The following TMEM132B variants were observed in gnomAD, a reference collection of about 807,000 sequenced individuals.
The protein encoded by TMEM132B is transmembrane protein 132B.
TMEM132B carries 18 observed loss-of-function variants against 90.8 expected under a neutral mutation model. The observed-to-expected ratio is 0.20, with a 90% CI of 0.14 to 0.29. The LOEUF (loss-of-function observed/expected upper bound fraction) is 0.29, where lower values mean the gene tolerates loss of function less well. TMEM132B is among the 10% of genes least tolerant of loss of function. The pLI is 1.00. For missense variants in TMEM132B, 1,096 were observed against 1,326.8 expected, an observed-to-expected ratio of 0.83 and a Z score of 2.70; for synonymous variants, 504 against 523.3, an observed-to-expected ratio of 0.96 and a Z score of 0.50.
chr12:125,494,877 T>C (rs1592954902), intron 3 of TMEM132B, among the ~76,000 whole-genome samples: 1 of 76,234 alleles, frequency 1.3e-5, no homozygotes, highest in African/African-American at 5.4e-5. Context: ...CTCCCCCTCC[T>C]CCCTGGAAAA....
intron 1 of TMEM132B, among the ~76,000 whole-genome samples, chr12:125,298,673 CAA>C (rs36048797): frequency 9.6e-5 from 10 of 104,708 alleles, no homozygotes; most frequent in Non-Finnish European, 7.4e-5. Context: ...GACTCTGTCT[CAA>C]AAAAAAAAAA....
chr12:125,369,757 G>A (rs896315343), intron 2 of TMEM132B, among the ~76,000 whole-genome samples: 2 of 152,204 alleles, frequency 1.3e-5, no homozygotes, highest in East Asian at 3.8e-4. Context: ...ACTTTAATAA[G>A]ATATTTAATG....
intron 3 of TMEM132B, among the ~76,000 whole-genome samples, chr12:125,511,313 G>T (rs1352329258): frequency 2.0e-5 from 3 of 152,072 alleles, no homozygotes; most frequent in Non-Finnish European, 4.4e-5. Context: ...TAGAAAATTG[G>T]GTTGCTTTCA....
Position 125,655,887 on chromosome 12 carries a change from C to A in TMEM132B, c.*1177C>A, listed in dbSNP as rs1287559438. On this transcript the variant is annotated 3_prime_UTR_variant, in exon 9 of 9. Coordinates refer to ENST00000682704, the MANE Select transcript of TMEM132B (RefSeq NM_001366854.1). ...CCAAAATAAATAAATAAATAAAACTCAATCATGACTTTGGCAGAGATAAAA... is the reference window on the plus strand; with the variant it reads ...CCAAAATAAATAAATAAATAAAACTAAATCATGACTTTGGCAGAGATAAAA... The A allele has an allele frequency of 6.6e-6, 1 of 151,682 alleles. No individual in the cohort carries two copies. Among genetic ancestry groups the A allele is most frequent in the Non-Finnish European group, 1.5e-5 (1 of 67,972 alleles). The allele number at this position is 151,682 out of a possible 1,614,324, so 9.4% of individuals were successfully genotyped here.
intron 4 of TMEM132B, among the ~76,000 whole-genome samples, chr12:125,526,352 C>A (rs1335123868): frequency 1.3e-5 from 2 of 152,232 alleles, no homozygotes; most frequent in African/African-American, 4.8e-5. Context: ...ACTGTGCCAT[C>A]CCTCATTTCT....
At chr12:125,215,762 G>C (rs950108011) in intron 1 of TMEM132B, among the ~76,000 whole-genome samples, 2 of 152,192 alleles carry the variant, frequency 1.3e-5, no homozygotes, top group Admixed American at 6.5e-5. Flanking sequence ...GGCTGGTCTT[G>C]AACTCCAGAC....
intron 3 of TMEM132B, among the ~76,000 whole-genome samples, chr12:125,426,227 T>C (rs939248169): frequency 1.3e-5 from 2 of 152,272 alleles, no homozygotes; most frequent in Non-Finnish European, 2.9e-5. Flanking sequence ...CATGTGCTTA[T>C]TGCCGTCTAT....
intron 1 of TMEM132B, among the ~76,000 whole-genome samples, chr12:125,231,079 T>G (rs1306871030): frequency 6.6e-6 from 1 of 152,154 alleles, no homozygotes; most frequent in African/African-American, 2.4e-5. Flanking sequence ...CCGTGCTCCC[T>G]CCGGAGGCTC....
intron 4 of TMEM132B, among the ~76,000 whole-genome samples, chr12:125,542,323 G>C (rs1232412463): frequency 3.3e-5 from 5 of 152,088 alleles, no homozygotes; most frequent in Non-Finnish European, 7.4e-5. Flanking sequence ...GTTTTTTCCT[G>C]AAGTTTTTAC....
intron 5 of TMEM132B, among the ~76,000 whole-genome samples, chr12:125,622,974 A>G (rs11058271): frequency 0.45 from 68,920 of 151,990 alleles, 16,791 homozygotes; most frequent in African/African-American, 0.62. Context: ...CAAAATGTTT[A>G]TCTTTTCTTT....
chr12:125,337,494 G>A (rs1877007541), intron 1 of TMEM132B, among the ~76,000 whole-genome samples: 1 of 152,172 alleles, frequency 6.6e-6, no homozygotes, highest in Admixed American at 6.5e-5. Flanking sequence ...GCTTTAATGT[G>A]ATATGTGACA....
In TMEM132B at chr12:125,209,818, A is replaced by G. The variant is rs922501926; in HGVS notation, c.67+22952A>G. 1.3e-5 allele frequency among the ~76,000 whole-genome samples: 2 copies of G among 152,204 alleles called. No homozygotes were observed. The highest frequency in any genetic ancestry group is 2.9e-5 in the Non-Finnish European group (2 of 68,044). On this transcript the variant is annotated intron_variant, in intron 1 of 8. Transcript: ENST00000682704. The surrounding 1 kb of genome is among the most constrained non-coding windows in gnomAD (Gnocchi z 4.4). ...CCGGTATAGTCTCTCCTTGTGGAAC[A>G]TGAAATTGTTCCCCAATCCTGATTT... is the stretch of plus-strand genomic sequence containing the variant.
At chr12:125,332,361 G>C (rs1387146348) in intron 1 of TMEM132B, among the ~76,000 whole-genome samples, 1 of 152,006 alleles carries the variant, frequency 6.6e-6, no homozygotes. Flanking sequence ...CTTCCTCTGA[G>C]ATCTGGCAAC....
At chr12:125,433,012 C>T (rs1404275808) in intron 3 of TMEM132B, among the ~76,000 whole-genome samples, 1 of 152,174 alleles carries the variant, frequency 6.6e-6, no homozygotes, top group Non-Finnish European at 1.5e-5. Context: ...GAGGCCTTTC[C>T]TTAAGCAGCA....
At chr12:125,594,381 A>G (rs1593011525) in intron 5 of TMEM132B, among the ~76,000 whole-genome samples, 2 of 152,212 alleles carry the variant, frequency 1.3e-5, no homozygotes, top group South Asian at 2.1e-4. Context: ...CTTTGTCTGG[A>G]CATAGCTTTC....
At chr12:125,522,146 C>T (rs1270705747) in intron 4 of TMEM132B, among the ~76,000 whole-genome samples, 1 of 152,172 alleles carries the variant, frequency 6.6e-6, no homozygotes, top group Non-Finnish European at 1.5e-5. Context: ...AAGGTCAACT[C>T]GTGGAGAGGC....
intron 2 of TMEM132B, among the ~76,000 whole-genome samples, chr12:125,361,363 C>T (rs1209081401): frequency 6.6e-6 from 1 of 152,122 alleles, no homozygotes; most frequent in Non-Finnish European, 1.5e-5. Context: ...CCCAGATCGG[C>T]CCACTTCAAA....
intron 6 of TMEM132B, among the ~76,000 whole-genome samples, chr12:125,644,701 C>T (rs1415183466): frequency 2.0e-5 from 3 of 152,050 alleles, no homozygotes; most frequent in Non-Finnish European, 4.4e-5. Context: ...TGGTTAAGAC[C>T]GTGGGCTGTG....
chr12:125,539,335 G>A (rs78294714), intron 4 of TMEM132B, among the ~76,000 whole-genome samples: 2,670 of 152,200 alleles, frequency 0.018, 89 homozygotes, highest in African/African-American at 0.061. Context: ...CTTGGAACAC[G>A]TCCTTCTCTC....
Sources: gnomAD v4.1 joint callset for allele counts (sites outside exome capture counted in the v4.1 genomes callset) on GRCh38, gnomAD v4.1.1 for gene constraint, Gnocchi (gnomAD v3.1) non-coding constraint, MANE v1.5 for transcripts, NCBI Gene and HGNC (gene_info 2026-07-23, HGNC 2026-07-21) for gene names.